The following TOR1A variants were observed in gnomAD, a reference collection of about 807,000 sequenced individuals.
TOR1A encodes the protein torsin-1A.
Under a neutral mutation model 31.4 loss-of-function variants are expected in TOR1A, and 18 were observed. The ratio of observed to expected loss-of-function variants is 0.57; its 90% CI spans 0.40 to 0.85. The LOEUF (loss-of-function observed/expected upper bound fraction) is 0.85, where lower values mean the gene tolerates loss of function less well. Among genes scored for constraint, TOR1A ranks in the 40% least tolerant of loss-of-function variants. TOR1A has a pLI of 0.00. For synonymous variants in TOR1A, 168 were observed against 165.9 expected (o/e 1.01, Z -0.10); for missense variants, 375 against 416.4 (o/e 0.90, Z 0.87).
chr9:129,823,302 C>T, intron 1 of TOR1A: 1 of 298,536 alleles, frequency 3.3e-6, no homozygotes, highest in South Asian at 3.1e-5. Context: ...CAAAGTAGGC[C>T]AACCTGCAGC....
At chr9:129,820,644 G>A (rs568594344) in intron 2 of TOR1A, among the ~76,000 whole-genome samples, 2 of 152,192 alleles carry the variant, frequency 1.3e-5, no homozygotes, top group East Asian at 3.9e-4. Flanking sequence ...CGTCACCCAG[G>A]CTGGACTGCA....
intron 2 of TOR1A, chr9:129,822,242 G>A: frequency 5.5e-6 from 2 of 365,048 alleles, no homozygotes; most frequent in South Asian, 4.3e-5. Context: ...TCCAGCCCGG[G>A]TAAGAAGAGT....
At chr9:129,816,171 G>GC (rs1256683329) in intron 4 of TOR1A, among the ~76,000 whole-genome samples, 5 of 152,018 alleles carry the variant, frequency 3.3e-5, no homozygotes, top group Non-Finnish European at 4.4e-5. Flanking sequence ...CCAAGCACAG[G>GC]CCCCCCTCGG....
chr9:129,824,093 C>T lies in TOR1A; in HGVS notation c.-8G>A, dbSNP rs774835495. On this transcript the variant is annotated 5_prime_UTR_variant, in exon 1 of 5. Coordinates refer to ENST00000351698, the MANE Select transcript of TOR1A (RefSeq NM_000113.3). ...GGCCCGGCCCAGCTTCATGCCCGGACCCGCGCCACCCTGCTTGTTCTCGCG... is the reference window on the plus strand; with the variant it reads ...GGCCCGGCCCAGCTTCATGCCCGGATCCGCGCCACCCTGCTTGTTCTCGCG... The T allele has an allele frequency of 7.0e-6, 11 of 1,564,438 alleles. No individual in the cohort carries two copies. The highest frequency in any genetic ancestry group is 2.7e-5 in the African/African-American group (2 of 74,024).
intron 2 of TOR1A, 130 bp downstream of exon 2, chr9:129,822,451 A>AG (rs1210509277): frequency 7.8e-7 from 1 of 1,277,832 alleles, no homozygotes; most frequent in Non-Finnish European, 1.1e-6. Context: ...CACCTTTCCA[A>AG]GGGGAACTGA....
chr9:129,817,563 G>A (rs2031070097), intron 4 of TOR1A, among the ~76,000 whole-genome samples: 1 of 151,902 alleles, frequency 6.6e-6, no homozygotes, highest in African/African-American at 2.4e-5. Context: ...GCCGAGTGTG[G>A]TGGCAGGTGC....
At chr9:129,818,208 C>T in intron 4 of TOR1A, 1 of 408,566 alleles carries the variant, frequency 2.4e-6, no homozygotes. Context: ...GAGGCTGAGG[C>T]ACAAGAATCG....
chr9:129,816,352 C>T (rs190661289), intron 4 of TOR1A, among the ~76,000 whole-genome samples: 8 of 152,236 alleles, frequency 5.3e-5, no homozygotes, highest in Admixed American at 4.6e-4. Context: ...GATTTTTTTC[C>T]CCTACTGGCC....
In TOR1A at chr9:129,814,128, G is replaced by C; in HGVS notation, c.843C>G (p.Ile281Met). 6.2e-7 allele frequency: 1 copy of C among 1,614,130 alleles called. No individual in the cohort carries two copies. Among genetic ancestry groups the C allele is most frequent in the South Asian group, 1.1e-5 (1 of 91,082 alleles). Residue 281 changes from isoleucine to methionine, a missense_variant, in exon 5 of 5, where the codon ATC becomes ATG. Physicochemically the swap from Ile to Met is conservative, Grantham distance 10. Transcript: ENST00000351698. ...AGCCTCGGGACTGCATTTCCACTCG[G>C]ATACACATTTTTAGGTGTTTGTATT... The part of the protein sequence containing the change: ...PLEYKHLKMC[I>M]RVEMQSRGYE...
At chr9:129,814,340 CTATCCATGCCACACACACCTACTGGGGGT>C in intron 4 of TOR1A, 118 bp from the exon 5 acceptor site, 1 of 1,486,834 alleles carries the variant, frequency 6.7e-7, no homozygotes, top group African/African-American at 1.4e-5. Context: ...TGGGGGTCAC[CTATCCATGCCACACACACCTACTGGGGGT>C]CACCCACCCA....
In TOR1A at chr9:129,824,105, T is replaced by C. The variant is rs772405181; in HGVS notation, c.-20A>G. 5 of 1,554,442 alleles carry C rather than the reference T, an allele frequency of 3.2e-6. No individual in the cohort carries two copies. The highest frequency in any genetic ancestry group is 4.8e-5 in the East Asian group (2 of 42,040). On this transcript the variant is annotated 5_prime_UTR_variant, in exon 1 of 5. Coordinates refer to ENST00000351698, the MANE Select transcript of TOR1A (RefSeq NM_000113.3). ...CTTCATGCCCGGACCCGCGCCACCCTGCTTGTTCTCGCGCCGACCGCGAAC... is the reference window on the plus strand; with the variant it reads ...CTTCATGCCCGGACCCGCGCCACCCCGCTTGTTCTCGCGCCGACCGCGAAC...
intron 2 of TOR1A, chr9:129,821,468 C>T (rs1182832368): frequency 1.3e-5 from 2 of 152,246 alleles, no homozygotes; most frequent in Non-Finnish European, 2.9e-5. Flanking sequence ...ACAAGCAACA[C>T]TTTGTAAGTC....
chr9:129,813,776 CCT>C lies in TOR1A; in HGVS notation c.*194_*195del. 2.6e-6 allele frequency: 2 copies of C among 754,962 alleles called. No homozygotes were observed. The highest frequency in any genetic ancestry group is 4.4e-6 in the Non-Finnish European group (2 of 454,164). The allele number at this position is 754,962 out of a possible 1,614,324, so 46.8% of individuals were successfully genotyped here. On this transcript the variant is annotated 3_prime_UTR_variant, in exon 5 of 5. Transcript: ENST00000351698. ...TGTGCGTGTTCGGGAGGCTTCACGT[CCT>C]CGCCCGTGGTCCCTGGGTGGCCTGC... is the stretch of plus-strand genomic sequence containing the variant.
At chr9:129,820,066 A>G (rs1355365164) in intron 2 of TOR1A, among the ~76,000 whole-genome samples, 1 of 152,178 alleles carries the variant, frequency 6.6e-6, no homozygotes, top group Non-Finnish European at 1.5e-5. Context: ...CTTATATGCA[A>G]TAACAGGGAA....
intron 4 of TOR1A, among the ~76,000 whole-genome samples, chr9:129,817,083 G>A (rs2031058735): frequency 6.6e-6 from 1 of 152,222 alleles, no homozygotes; most frequent in Admixed American, 6.5e-5. Flanking sequence ...ATTTGGAGAA[G>A]TAGTGAGCTA....
chr9:129,819,394 C>T (rs916078179), intron 2 of TOR1A, among the ~76,000 whole-genome samples: 13 of 151,780 alleles, frequency 8.6e-5, no homozygotes, highest in East Asian at 3.9e-4. Context: ...CTGAGGCAGA[C>T]GGATAAGTTG....
chr9:129,823,824 T>C, intron 1 of TOR1A, 84 bp downstream of exon 1: 4 of 1,435,490 alleles, frequency 2.8e-6, no homozygotes, highest in Non-Finnish European at 3.7e-6. Context: ...TCCTCCATTC[T>C]CCATGCCCTG....
At chr9:129,823,849 C>T in intron 1 of TOR1A, 59 bp downstream of exon 1, 1 of 1,533,334 alleles carries the variant, frequency 6.5e-7, no homozygotes, top group Non-Finnish European at 8.8e-7. Flanking sequence ...TAGTTCAGCC[C>T]TAGTGCCATC....
In TOR1A at chr9:129,818,803, C is replaced by T. The variant is rs370015863; in HGVS notation, c.562G>A (p.Asp188Asn). Residue 188 changes from aspartate (D) to asparagine (N), a missense_variant, in exon 3 of 5, where the codon GAC becomes AAC. Coordinates refer to ENST00000351698, the MANE Select transcript of TOR1A (RefSeq NM_000113.3). The stretch of plus-strand genomic sequence containing the variant: ...ACCCCATCCACCAGGTCATAATAGT[C>T]GAGGAAAGGCTTGATGGCATCTATG... ...GLIDAIKPFL[D>N]YYDLVDGVSY... 8.1e-6 allele frequency: 13 copies of T among 1,613,452 alleles called. No individual in the cohort carries two copies. The highest frequency in any genetic ancestry group is 5.5e-5 in the South Asian group (5 of 91,078).
Sources: allele counts gnomAD v4.1 joint callset (sites outside exome capture counted in the v4.1 genomes callset), GRCh38; gene constraint gnomAD v4.1.1; transcripts MANE v1.5; gene names NCBI Gene and HGNC (gene_info 2026-07-23, HGNC 2026-07-21).